The following PTPRD variants were observed in gnomAD, a reference collection of about 807,000 sequenced individuals.
PTPRD encodes protein tyrosine phosphatase receptor type D.
A neutral mutation model predicts 214.5 loss-of-function variants in PTPRD; 34 were observed. The ratio of observed to expected loss-of-function variants is 0.16; its 90% CI spans 0.12 to 0.21. The LOEUF is 0.21. Among genes scored for constraint, PTPRD ranks in the 10% least tolerant of loss-of-function variants. The pLI is 1.00. For synonymous variants in PTPRD, 1,128 were observed against 845.7 expected, an observed-to-expected ratio of 1.33 and a Z score of -5.79; for missense variants, 2,545 against 2,398.7, an observed-to-expected ratio of 1.06 and a Z score of -1.27.
Position 8,484,354 on chromosome 9 carries a change from C to A in PTPRD, c.3178G>T (p.Val1060Leu), listed in dbSNP as rs145574906. The A allele has an allele frequency of 1.9e-6, 3 of 1,613,850 alleles. No individual in the cohort carries two copies. The highest frequency in any genetic ancestry group is 2.5e-6 in the Non-Finnish European group (3 of 1,179,886). The change falls in exon 30 of 46, where the codon GTA becomes TTA. Residue 1060 changes from valine (V) to leucine (L), a missense_variant. Coordinates refer to ENST00000381196, the MANE Select transcript of PTPRD (RefSeq NM_002839.4). The part of the protein sequence containing the change: ...FKILYDDGKM[V>L]EEVDGRATQK... ...GTGGCTCGGCCATCCACTTCTTCTACCATTTTCCCATCATCATAAAGAATC... is the reference window on the plus strand; with the variant it reads ...GTGGCTCGGCCATCCACTTCTTCTAACATTTTCCCATCATCATAAAGAATC...
chr9:10,186,518 T>A (rs1424359107), intron 3 of PTPRD, among the ~76,000 whole-genome samples: 1 of 152,134 alleles, frequency 6.6e-6, no homozygotes, highest in African/African-American at 2.4e-5. Flanking sequence ...GCATTTATCA[T>A]CTTTACGAAT....
chr9:9,954,912 A>C (rs2093779485), intron 4 of PTPRD, among the ~76,000 whole-genome samples: 1 of 152,196 alleles, frequency 6.6e-6, no homozygotes, highest in African/African-American at 2.4e-5. Flanking sequence ...ATTCACGAAC[A>C]AACAAAACTC....
chr9:9,177,154 G>A (rs1441218002), intron 10 of PTPRD, among the ~76,000 whole-genome samples: 1 of 152,104 alleles, frequency 6.6e-6, no homozygotes, highest in African/African-American at 2.4e-5. Flanking sequence ...TGAAGGGGAA[G>A]CAAGGTGCTT....
At chr9:10,256,472 AT>A (rs1344223415) in intron 3 of PTPRD, among the ~76,000 whole-genome samples, 2 of 151,896 alleles carry the variant, frequency 1.3e-5, no homozygotes, top group Admixed American at 6.6e-5. Flanking sequence ...GTGATGGAAA[AT>A]TTTAGCTCCA....
At chr9:9,611,301 T>C (rs755703875) in intron 7 of PTPRD, among the ~76,000 whole-genome samples, 5 of 152,298 alleles carry the variant, frequency 3.3e-5, no homozygotes, top group Middle Eastern at 3.4e-3. Flanking sequence ...TGATTTAATA[T>C]GTTTTTGCTA....
At chr9:8,353,601 T>A (rs116113522) in intron 39 of PTPRD, among the ~76,000 whole-genome samples, 1 of 151,910 alleles carries the variant, frequency 6.6e-6, no homozygotes, top group African/African-American at 2.4e-5. Flanking sequence ...CCCGGCTCAT[T>A]TTCCTTATAT....
At chr9:10,199,409 T>G (rs547289347) in intron 3 of PTPRD, among the ~76,000 whole-genome samples, 1 of 152,134 alleles carries the variant, frequency 6.6e-6, no homozygotes, top group African/African-American at 2.4e-5. Context: ...ATGGGAAGTT[T>G]GACAGTACTC....
intron 9 of PTPRD, among the ~76,000 whole-genome samples, chr9:9,279,379 T>G (rs183408886): frequency 5.5e-4 from 81 of 146,198 alleles, no homozygotes; most frequent in African/African-American, 2.0e-3. Context: ...TCACTGCTGC[T>G]GGCAATAGAT....
intron 10 of PTPRD, among the ~76,000 whole-genome samples, chr9:9,051,541 C>T (rs1006597554): frequency 6.6e-6 from 1 of 152,034 alleles, no homozygotes; most frequent in Non-Finnish European, 1.5e-5. Context: ...CATTTTTTAA[C>T]ATAGAAATCC....
At chr9:10,082,852 C>G (rs1395184669) in intron 3 of PTPRD, among the ~76,000 whole-genome samples, 1 of 151,184 alleles carries the variant, frequency 6.6e-6, no homozygotes, top group Non-Finnish European at 1.5e-5. Context: ...CACACACACA[C>G]ACACACACAC....
intron 2 of PTPRD, among the ~76,000 whole-genome samples, chr9:10,604,401 C>A (rs2078778237): frequency 6.6e-6 from 1 of 151,610 alleles, no homozygotes; most frequent in Admixed American, 6.6e-5. Flanking sequence ...TTATTAAATC[C>A]TGGCATGTTT....
intron 2 of PTPRD, among the ~76,000 whole-genome samples, chr9:10,513,380 T>G (rs1248195064): frequency 6.6e-6 from 1 of 152,092 alleles, no homozygotes; most frequent in Non-Finnish European, 1.5e-5. Context: ...GTTAAACAAT[T>G]TGGATGTGGT....
chr9:10,426,686 G>A (rs758462351), intron 2 of PTPRD, among the ~76,000 whole-genome samples: 10 of 152,032 alleles, frequency 6.6e-5, no homozygotes, highest in East Asian at 1.9e-4. Flanking sequence ...CCAACTTCTC[G>A]GATGCTAACA....
At chr9:10,035,113 G>C (rs1001349414) in intron 3 of PTPRD, among the ~76,000 whole-genome samples, 1 of 152,042 alleles carries the variant, frequency 6.6e-6, no homozygotes, top group Non-Finnish European at 1.5e-5. Context: ...TTGCCAGCAT[G>C]TATTATTTTT....
intron 3 of PTPRD, among the ~76,000 whole-genome samples, chr9:10,125,597 G>A (rs980727802): frequency 2.0e-5 from 3 of 150,230 alleles, no homozygotes; most frequent in African/African-American, 4.9e-5. Context: ...TGGGATTACA[G>A]GCGTGCGCTA....
chr9:9,810,965 C>T (rs1299760257), intron 5 of PTPRD, among the ~76,000 whole-genome samples: 2 of 151,842 alleles, frequency 1.3e-5, no homozygotes, highest in African/African-American at 4.8e-5. Context: ...CGGCCAGGTG[C>T]ACTCGCTCAC....
chr9:8,824,972 G>A (rs1177600812), intron 11 of PTPRD, among the ~76,000 whole-genome samples: 1 of 152,148 alleles, frequency 6.6e-6, no homozygotes, highest in Non-Finnish European at 1.5e-5. Flanking sequence ...TTTGTATAAA[G>A]TGCAGTAAGA....
intron 9 of PTPRD, among the ~76,000 whole-genome samples, chr9:9,265,808 A>C (rs1939246851): frequency 6.6e-6 from 1 of 151,562 alleles, no homozygotes; most frequent in Non-Finnish European, 1.5e-5. Flanking sequence ...AAAATAAAGA[A>C]AGGAACAAAG....
chr9:9,667,218 G>A (rs1366290896), intron 7 of PTPRD, among the ~76,000 whole-genome samples: 2 of 151,964 alleles, frequency 1.3e-5, no homozygotes, highest in African/African-American at 4.8e-5. Context: ...ACTTCTTACA[G>A]CAGTGCAATC....
Sources: gnomAD v4.1 joint callset for allele counts (sites outside exome capture counted in the v4.1 genomes callset) on GRCh38, gnomAD v4.1.1 for gene constraint, MANE v1.5 for transcripts, NCBI Gene and HGNC (gene_info 2026-07-23, HGNC 2026-07-21) for gene names.